ZFHX3: variants seen among roughly 807,000 people sequenced by gnomAD.
ZFHX3 encodes the protein zinc finger homeobox 3.
Under a neutral mutation model 279.1 loss-of-function variants are expected in ZFHX3, and 42 were observed. The ratio of observed to expected loss-of-function variants is 0.15; its 90% CI spans 0.12 to 0.19. The LOEUF (loss-of-function observed/expected upper bound fraction) is 0.19. Among genes scored for constraint, ZFHX3 ranks in the 10% least tolerant of loss-of-function variants. The pLI is 1.00. For missense variants in ZFHX3, 4,981 were observed against 4,754.0 expected (o/e 1.05, Z -1.40); for synonymous variants, 2,293 against 1,957.8 (o/e 1.17, Z -4.52).
intron 2 of ZFHX3, among the ~76,000 whole-genome samples, chr16:73,483,107 C>G (rs1597353124): frequency 6.6e-6 from 1 of 152,154 alleles, no homozygotes; most frequent in African/African-American, 2.4e-5. Flanking sequence ...TGAAACATCC[C>G]CTCCTCTGAA....
At chr16:72,956,452 T>C (rs1194834274) in intron 2 of ZFHX3, among the ~76,000 whole-genome samples, 1 of 152,216 alleles carries the variant, frequency 6.6e-6, no homozygotes, top group Non-Finnish European at 1.5e-5. Flanking sequence ...AAGGTTCTCA[T>C]GAAACCCATC....
chr16:72,968,502 C>G (rs1188916406), intron 1 of ZFHX3, among the ~76,000 whole-genome samples: 1 of 148,752 alleles, frequency 6.7e-6, no homozygotes, highest in East Asian at 2.0e-4. Context: ...GCTCTGTCGT[C>G]CAGGCTGGAG....
intron 3 of ZFHX3, among the ~76,000 whole-genome samples, chr16:73,373,147 G>GCA (rs2016661552): frequency 2.0e-5 from 3 of 152,016 alleles, no homozygotes; most frequent in Non-Finnish European, 4.4e-5. Flanking sequence ...AGGTTTGGGG[G>GCA]GGGGGTGGTT....
At chr16:73,125,973 C>G (rs1376322880) in intron 7 of ZFHX3, among the ~76,000 whole-genome samples, 1 of 152,066 alleles carries the variant, frequency 6.6e-6, no homozygotes, top group East Asian at 1.9e-4. Flanking sequence ...AGAAATGGAG[C>G]CAGGATTTGA....
At position 72,796,163 on chromosome 16, in the gene ZFHX3, C is replaced by T. The variant is rs1473184349; in HGVS notation, c.6519G>A (p.Glu2173=). The part of the protein sequence containing the change: ...YFDINNSPSE[E]QIKEMADKSG... The stretch of plus-strand genomic sequence containing the variant: ...ACTTGTCTGCCATCTCTTTTATTTG[C>T]TCTTCACTGGGGGAGTTGTTAATGT... Residue 2173 remains glutamate, a synonymous_variant, in exon 9 of 10, where the codon GAG becomes GAA. Coordinates refer to ENST00000268489, the MANE Select transcript of ZFHX3 (RefSeq NM_006885.4). The T allele has an allele frequency of 6.2e-7, 1 of 1,614,138 alleles. No individual in the cohort carries two copies. Among genetic ancestry groups the T allele is most frequent in the Non-Finnish European group, 8.5e-7 (1 of 1,180,026 alleles).
intron 3 of ZFHX3, among the ~76,000 whole-genome samples, chr16:73,453,646 G>A (rs891869780): frequency 1.3e-5 from 2 of 152,160 alleles, no homozygotes; most frequent in African/African-American, 4.8e-5. Context: ...GGAAAAGCAA[G>A]TGTATTAGTC....
intron 8 of ZFHX3, among the ~76,000 whole-genome samples, chr16:73,089,920 A>G (rs927497697): frequency 2.6e-5 from 4 of 152,320 alleles, no homozygotes; most frequent in South Asian, 2.1e-4. Flanking sequence ...GCTCATCTCC[A>G]GTCTTGATTG....
chr16:73,314,910 T>C (rs916767691), intron 4 of ZFHX3, among the ~76,000 whole-genome samples: 1 of 152,208 alleles, frequency 6.6e-6, no homozygotes, highest in African/African-American at 2.4e-5. Flanking sequence ...CATTAGATAA[T>C]TTGTGATTTG....
intron 4 of ZFHX3, among the ~76,000 whole-genome samples, chr16:73,286,195 C>G (rs1330499804): frequency 6.6e-6 from 1 of 152,026 alleles, no homozygotes; most frequent in South Asian, 2.1e-4. Context: ...ATGCCCCTCT[C>G]CCCCTCCTCC....
At chr16:73,295,335 G>A (rs1160656105) in intron 4 of ZFHX3, among the ~76,000 whole-genome samples, 2 of 152,216 alleles carry the variant, frequency 1.3e-5, no homozygotes, top group Non-Finnish European at 2.9e-5. Context: ...CTCTTCCAAT[G>A]TCCTGTTTCC....
At chr16:72,976,226 G>C (rs776028722) in intron 1 of ZFHX3, among the ~76,000 whole-genome samples, 3 of 152,186 alleles carry the variant, frequency 2.0e-5, no homozygotes, top group Non-Finnish European at 4.4e-5. Flanking sequence ...AAAACTTCCA[G>C]CCAGCAGTTC....
At chr16:73,179,667 A>G (rs943695463) in intron 5 of ZFHX3, among the ~76,000 whole-genome samples, 4 of 151,980 alleles carry the variant, frequency 2.6e-5, no homozygotes, top group Middle Eastern at 3.2e-3. Context: ...CTAAATCAGG[A>G]GATTAAGTCT....
At chr16:72,882,977 GGTGTGTGTGT>G (rs56328056) in intron 4 of ZFHX3, among the ~76,000 whole-genome samples, 5,286 of 65,092 alleles carry the variant, frequency 0.081, 386 homozygotes, top group Middle Eastern at 0.1. Flanking sequence ...ACCACTCTGG[GGTGTGTGTGT>G]GTGTGTGTGT....
Position 73,108,369 on chromosome 16 carries a change from T to G in ZFHX3, c.-896-14771A>C, listed in dbSNP as rs73591199. Reference sequence around the variant, plus strand: ...GAGAGAGAGAGAATAATGATGATGATGAGGAGGAGGAAGACGATGAAGAGG... The same window carrying G: ...GAGAGAGAGAGAATAATGATGATGAGGAGGAGGAGGAAGACGATGAAGAGG... On this transcript the variant is annotated intron_variant, in intron 7 of 17. Transcript: ENST00000641206. Among the ~76,000 whole-genome samples the G allele has an allele frequency of 5.2e-4, 79 of 151,538 alleles. 1 individual carries two copies. Among genetic ancestry groups the G allele is most frequent in the Middle Eastern group, 3.4e-3 (1 of 292 alleles).
At chr16:73,266,952 A>C (rs1260109758) in intron 4 of ZFHX3, among the ~76,000 whole-genome samples, 2 of 152,220 alleles carry the variant, frequency 1.3e-5, no homozygotes, top group Non-Finnish European at 2.9e-5. Flanking sequence ...AAACATACCA[A>C]TACACTTGGG....
At chr16:72,814,341 C>A (rs939817177) in intron 5 of ZFHX3, among the ~76,000 whole-genome samples, 1 of 152,144 alleles carries the variant, frequency 6.6e-6, no homozygotes, top group Non-Finnish European at 1.5e-5. Flanking sequence ...AATCTGCCTG[C>A]CCCCTACTAT....
At chr16:73,427,804 G>A (rs111911883) in intron 3 of ZFHX3, among the ~76,000 whole-genome samples, 13,395 of 151,892 alleles carry the variant, frequency 0.088, 643 homozygotes, top group African/African-American at 0.11. Flanking sequence ...TTAGCTGGGC[G>A]TGGTGGCGCA....
At chr16:73,607,838 G>A (rs1423741551) in intron 2 of ZFHX3, among the ~76,000 whole-genome samples, 1 of 152,134 alleles carries the variant, frequency 6.6e-6, no homozygotes, top group Non-Finnish European at 1.5e-5. Context: ...GGCTGAGGTG[G>A]GCAGATGGAT....
At chr16:73,615,158 A>C (rs1400126589) in intron 2 of ZFHX3, among the ~76,000 whole-genome samples, 3 of 152,016 alleles carry the variant, frequency 2.0e-5, no homozygotes, top group Non-Finnish European at 2.9e-5. Flanking sequence ...AAAAAAAAAA[A>C]AGCTTGACAC....
Sources: allele counts gnomAD v4.1 joint callset (sites outside exome capture counted in the v4.1 genomes callset), GRCh38; gene constraint gnomAD v4.1.1; transcripts MANE v1.5; gene names NCBI Gene and HGNC (gene_info 2026-07-23, HGNC 2026-07-21).